The following ZBTB20 variants were observed in gnomAD, a reference collection of about 807,000 sequenced individuals.
ZBTB20 encodes zinc finger and BTB domain-containing protein 20.
A neutral mutation model predicts 56.9 loss-of-function variants in ZBTB20; 9 were observed. The ratio of observed to expected loss-of-function variants is 0.16; its 90% confidence interval spans 0.10 to 0.28. The LOEUF is 0.28. ZBTB20 is among the 10% of genes least tolerant of loss of function. The pLI, the probability that ZBTB20 is intolerant of heterozygous loss-of-function variation, is 1.00. For synonymous variants in ZBTB20, 417 were observed against 420.7 expected, an observed-to-expected ratio of 0.99 and a Z score of 0.11; for missense variants, 655 against 1,003.0, an observed-to-expected ratio of 0.65 and a Z score of 4.69.
chr3:114,468,696 T>C (rs112963558), intron 7 of ZBTB20, among the ~76,000 whole-genome samples: 1 of 152,170 alleles, frequency 6.6e-6, no homozygotes, highest in African/African-American at 2.4e-5. Flanking sequence ...TCCAGTATCA[T>C]TGGGCATAGT....
intron 3 of ZBTB20, among the ~76,000 whole-genome samples, chr3:114,911,953 T>C: frequency 6.6e-6 from 1 of 151,648 alleles, no homozygotes; most frequent in South Asian, 2.1e-4. Flanking sequence ...ACAGGAATGC[T>C]CTAAGACATA....
chr3:114,775,902 G>C (rs1192819787), intron 5 of ZBTB20, among the ~76,000 whole-genome samples: 1 of 152,128 alleles, frequency 6.6e-6, no homozygotes, highest in Non-Finnish European at 1.5e-5. Context: ...TGGAAATTAT[G>C]TGAACCAGGC....
At chr3:115,139,012 C>A (rs2084734890) in intron 1 of ZBTB20, among the ~76,000 whole-genome samples, 1 of 152,010 alleles carries the variant, frequency 6.6e-6, no homozygotes, top group African/African-American at 2.4e-5. Context: ...TGCATTGAAG[C>A]ATTCATACCA....
chr3:114,507,297 T>A (rs997482760), intron 6 of ZBTB20, among the ~76,000 whole-genome samples: 2 of 152,164 alleles, frequency 1.3e-5, no homozygotes, highest in Admixed American at 6.6e-5. Context: ...AATTAAAATA[T>A]GCAGTGCCTC....
At chr3:114,382,504 T>A (rs1576496732) in intron 8 of ZBTB20, among the ~76,000 whole-genome samples, 1 of 152,224 alleles carries the variant, frequency 6.6e-6, no homozygotes, top group East Asian at 1.9e-4. Context: ...TCTCTTACTT[T>A]GAATATCCCA....
At chr3:114,990,024 A>G (rs2078731080) in intron 2 of ZBTB20, among the ~76,000 whole-genome samples, 2 of 152,118 alleles carry the variant, frequency 1.3e-5, no homozygotes, top group African/African-American at 4.8e-5. Flanking sequence ...GGGTTTTCTA[A>G]ATATACAATC....
chr3:115,122,295 A>G (rs1413511520), intron 1 of ZBTB20, among the ~76,000 whole-genome samples: 1 of 152,106 alleles, frequency 6.6e-6, no homozygotes, highest in African/African-American at 2.4e-5. Flanking sequence ...GTTTTAAAGC[A>G]TGAATCTAAA....
intron 5 of ZBTB20, among the ~76,000 whole-genome samples, chr3:114,701,433 A>G (rs75232643): frequency 0.031 from 4,718 of 152,260 alleles, 231 homozygotes; most frequent in African/African-American, 0.11. Flanking sequence ...ACCATGATGT[A>G]GAGGGATTGG....
intron 6 of ZBTB20, among the ~76,000 whole-genome samples, chr3:114,565,372 C>T (rs1200924503): frequency 6.6e-6 from 1 of 152,192 alleles, no homozygotes; most frequent in Non-Finnish European, 1.5e-5. Flanking sequence ...GGTCCACATT[C>T]TCCTTCCGTC....
At chr3:114,672,781 C>A (rs896644323) in intron 6 of ZBTB20, among the ~76,000 whole-genome samples, 2 of 152,158 alleles carry the variant, frequency 1.3e-5, no homozygotes, top group African/African-American at 4.8e-5. Context: ...AATACTGTGA[C>A]ATGTTACCTG....
intron 6 of ZBTB20, among the ~76,000 whole-genome samples, chr3:114,592,362 C>T (rs1342981747): frequency 1.3e-5 from 2 of 152,188 alleles, no homozygotes; most frequent in African/African-American, 4.8e-5. Context: ...GTCCTGGTAT[C>T]ATCAAACGAT....
chr3:114,457,277 G>A (rs990308644), intron 7 of ZBTB20, among the ~76,000 whole-genome samples: 1 of 152,188 alleles, frequency 6.6e-6, no homozygotes, highest in Non-Finnish European at 1.5e-5. Context: ...AAAAGGTGAT[G>A]ATATTGGTCC....
intron 7 of ZBTB20, among the ~76,000 whole-genome samples, chr3:114,423,664 A>C (rs958762897): frequency 5.3e-5 from 8 of 152,326 alleles, no homozygotes; most frequent in African/African-American, 1.9e-4. Context: ...TGAGTTATAA[A>C]ATTATTACAT....
chr3:114,368,947 T>G (rs2082705005), intron 10 of ZBTB20, among the ~76,000 whole-genome samples: 1 of 152,230 alleles, frequency 6.6e-6, no homozygotes. Flanking sequence ...CCTACAGTAT[T>G]TCCCTGAGAA....
chr3:114,658,401 A>C (rs976628852), intron 6 of ZBTB20: 5 of 152,252 alleles, frequency 3.3e-5, no homozygotes, highest in Non-Finnish European at 7.3e-5. Flanking sequence ...TTTTAAAAAT[A>C]GTATTGTAAC....
chr3:114,475,451 C>T (rs564861319), intron 7 of ZBTB20, among the ~76,000 whole-genome samples: 1 of 152,102 alleles, frequency 6.6e-6, no homozygotes, highest in Non-Finnish European at 1.5e-5. Context: ...CTCTCCAGTG[C>T]CAAGTATACA....
chr3:114,771,658 C>T (rs2069212321), intron 5 of ZBTB20, among the ~76,000 whole-genome samples: 1 of 152,114 alleles, frequency 6.6e-6, no homozygotes, highest in South Asian at 2.1e-4. Flanking sequence ...TCTTAATATT[C>T]AAAGCAACCC....
At chr3:114,571,315 T>C (rs1165332046) in intron 6 of ZBTB20, among the ~76,000 whole-genome samples, 1 of 152,212 alleles carries the variant, frequency 6.6e-6, no homozygotes, top group Non-Finnish European at 1.5e-5. Flanking sequence ...AAACAAGAGA[T>C]ATAGCCAGCC....
chr3:114,521,724 G>T (rs187974197), intron 6 of ZBTB20, among the ~76,000 whole-genome samples: 64 of 152,052 alleles, frequency 4.2e-4, no homozygotes, highest in African/African-American at 1.5e-3. Flanking sequence ...GTTAATAAAT[G>T]CTTTGGATGT....
Sources: gnomAD v4.1 joint callset for allele counts (sites outside exome capture counted in the v4.1 genomes callset) on GRCh38, gnomAD v4.1.1 for gene constraint, MANE v1.5 for transcripts, NCBI Gene and HGNC (gene_info 2026-07-23, HGNC 2026-07-21) for gene names.